VTI1A: variants seen among roughly 807,000 people sequenced by gnomAD.
The protein encoded by VTI1A is vesicle transport through interaction with t-SNAREs homolog 1A.
In VTI1A, 22 loss-of-function variants were observed where a neutral mutation model predicts 34.9. That is an observed-to-expected ratio of 0.63 (90% CI 0.45 to 0.90). The LOEUF (loss-of-function observed/expected upper bound fraction) is 0.90, where lower values mean the gene tolerates loss of function less well. Ranked by LOEUF, VTI1A falls within the 40% of genes least tolerant of loss-of-function variation. The pLI is 0.00. For synonymous variants in VTI1A, 87 were observed against 97.3 expected (o/e 0.89, Z 0.62); for missense variants, 268 against 275.6 (o/e 0.97, Z 0.20).
rs73365073 is a variant in VTI1A at position 112,555,318 on chromosome 10, C to G, written c.427+16988C>G. ...TCCATATGTCAATATCATGAAGAAG[C>G]CAAATGCTGGTAAAACATAATTTTT... On this transcript the variant is annotated intron_variant, in intron 5 of 7. Coordinates refer to ENST00000393077, the MANE Select transcript of VTI1A (RefSeq NM_145206.4). Among the ~76,000 whole-genome samples the G allele has an allele frequency of 4.0e-3, 610 of 152,066 alleles. 8 individuals carry two copies. Among genetic ancestry groups the G allele is most frequent in the African/African-American group, 0.014 (583 of 41,492 alleles).
At chr10:112,745,099 A>G (rs1251696129) in intron 7 of VTI1A, among the ~76,000 whole-genome samples, 1 of 152,228 alleles carries the variant, frequency 6.6e-6, no homozygotes, top group Non-Finnish European at 1.5e-5. Flanking sequence ...CACATATGTA[A>G]TACTTTTTTT....
intron 3 of VTI1A, among the ~76,000 whole-genome samples, chr10:112,471,019 C>A (rs1848057252): frequency 6.6e-6 from 1 of 152,096 alleles, no homozygotes; most frequent in African/African-American, 2.4e-5. Flanking sequence ...TTTGCATTTG[C>A]TGTTTACTTA....
intron 7 of VTI1A, among the ~76,000 whole-genome samples, chr10:112,697,865 CATGTGT>C (rs1384884054): frequency 6.0e-4 from 76 of 126,202 alleles, no homozygotes; most frequent in African/African-American, 9.9e-4. Flanking sequence ...TTAGCATTTA[CATGTGT>C]GTGTGTGTGT....
chr10:112,642,663 T>C (rs1482014422), intron 5 of VTI1A, among the ~76,000 whole-genome samples: 4 of 151,884 alleles, frequency 2.6e-5, no homozygotes, highest in Admixed American at 2.0e-4. Context: ...TTGTGAGGCA[T>C]TGTATGGAGG....
chr10:112,595,863 G>A (rs552161265), intron 5 of VTI1A, among the ~76,000 whole-genome samples: 5 of 152,098 alleles, frequency 3.3e-5, no homozygotes, highest in Admixed American at 1.3e-4. Context: ...ACATGCACCC[G>A]TATGTTTATT....
At chr10:112,813,759 T>A (rs1268789242) in intron 7 of VTI1A, among the ~76,000 whole-genome samples, 2 of 152,164 alleles carry the variant, frequency 1.3e-5, no homozygotes, top group Admixed American at 6.5e-5. Flanking sequence ...ACAGAAGAAT[T>A]AATGTCGGAG....
At chr10:112,630,663 ATAG>A (rs1287922652) in intron 5 of VTI1A, among the ~76,000 whole-genome samples, 1 of 152,216 alleles carries the variant, frequency 6.6e-6, no homozygotes, top group East Asian at 1.9e-4. Context: ...CACAAGACAG[ATAG>A]TAGCTTGTAG....
At chr10:112,793,312 T>C (rs1852554622) in intron 7 of VTI1A, among the ~76,000 whole-genome samples, 1 of 152,234 alleles carries the variant, frequency 6.6e-6, no homozygotes, top group Non-Finnish European at 1.5e-5. Context: ...GTCGATGTTA[T>C]GGGCTCTGGC....
At chr10:112,819,021 A>G (rs1853600905), downstream of VTI1A, among the ~76,000 whole-genome samples, 1 of 152,178 alleles carries the variant, frequency 6.6e-6, no homozygotes, top group South Asian at 2.1e-4. Flanking sequence ...ACACTTTAAT[A>G]TTTAATTAAG....
intron 7 of VTI1A, among the ~76,000 whole-genome samples, chr10:112,715,942 G>A (rs1447983678): frequency 1.3e-5 from 2 of 152,210 alleles, no homozygotes; most frequent in East Asian, 1.9e-4. Flanking sequence ...TATTGAGACT[G>A]GGAAGACACG....
At chr10:112,692,162 C>T (rs1344696929) in intron 7 of VTI1A, among the ~76,000 whole-genome samples, 2 of 152,294 alleles carry the variant, frequency 1.3e-5, no homozygotes, top group East Asian at 1.9e-4. Flanking sequence ...AACTCACCAC[C>T]CTAGAGTGTA....
intron 1 of VTI1A, among the ~76,000 whole-genome samples, chr10:112,451,864 G>A (rs1419983380): frequency 6.6e-6 from 1 of 152,178 alleles, no homozygotes; most frequent in Non-Finnish European, 1.5e-5. Flanking sequence ...ATATCTACGT[G>A]TAGCTATTGA....
At chr10:112,457,998 G>T (rs887726921) in intron 1 of VTI1A, among the ~76,000 whole-genome samples, 1 of 152,180 alleles carries the variant, frequency 6.6e-6, no homozygotes, top group African/African-American at 2.4e-5. Flanking sequence ...TCAGTGGAAT[G>T]GTGGGGGCAG....
chr10:112,627,829 G>A (rs1267803881), intron 5 of VTI1A, among the ~76,000 whole-genome samples: 2 of 152,078 alleles, frequency 1.3e-5, no homozygotes, highest in Non-Finnish European at 1.5e-5. Context: ...CAATAAAAAT[G>A]TGATATAAAA....
chr10:112,542,237 AAG>A (rs1359796235), intron 5 of VTI1A, among the ~76,000 whole-genome samples: 3 of 152,208 alleles, frequency 2.0e-5, no homozygotes, highest in African/African-American at 7.2e-5. Flanking sequence ...GCAGAAATGC[AAG>A]GCTCACTCTC....
chr10:112,817,739 C>G lies in VTI1A; in HGVS notation c.*2356C>G, dbSNP rs115323230. On this transcript the variant is annotated 3_prime_UTR_variant, in exon 8 of 8. Coordinates refer to ENST00000393077, the MANE Select transcript of VTI1A (RefSeq NM_145206.4). ...CCAGGAAAGGAATAACGTCCACAGA[C>G]TTGAAGCAGATAGTGAAGTAGATCT... is the stretch of plus-strand genomic sequence containing the variant. The G allele has an allele frequency of 4.7e-3, 1,071 of 229,998 alleles. 14 individuals are homozygous for G. Among genetic ancestry groups the G allele is most frequent in the African/African-American group, 0.023 (1,030 of 45,284 alleles). 14.2% of individuals were successfully genotyped at this position (229,998 alleles called of 1,614,324 possible).
rs116319004 is a variant in VTI1A at position 112,759,777 on chromosome 10, C to A, written c.561-55513C>A. On this transcript the variant is annotated intron_variant, in intron 7 of 7. Coordinates refer to ENST00000393077, the MANE Select transcript of VTI1A (RefSeq NM_145206.4). Reference sequence around the variant, plus strand: ...CTTCCCCAGCCCCCTTCCCACCCCACAAGTCTCCCATTGCCACTGATGGCT... The same window carrying A: ...CTTCCCCAGCCCCCTTCCCACCCCAAAAGTCTCCCATTGCCACTGATGGCT... Among the ~76,000 whole-genome samples the A allele has an allele frequency of 2.0e-3, 298 of 152,234 alleles. 1 individual carries two copies. Among genetic ancestry groups the A allele is most frequent in the African/African-American group, 7.0e-3 (289 of 41,550 alleles).
At chr10:112,597,624 A>G (rs1473521204) in intron 5 of VTI1A, among the ~76,000 whole-genome samples, 1 of 149,382 alleles carries the variant, frequency 6.7e-6, no homozygotes, top group African/African-American at 2.5e-5. Context: ...TTGAGGCTGC[A>G]GTGAGCTATG....
chr10:112,544,372 G>T (rs1850992174), intron 5 of VTI1A, among the ~76,000 whole-genome samples: 1 of 152,090 alleles, frequency 6.6e-6, no homozygotes, highest in African/African-American at 2.4e-5. Flanking sequence ...TGGGATTACA[G>T]GCATCCACCA....
Sources: gnomAD v4.1 joint callset for allele counts (sites outside exome capture counted in the v4.1 genomes callset) on GRCh38, gnomAD v4.1.1 for gene constraint, MANE v1.5 for transcripts, NCBI Gene and HGNC (gene_info 2026-07-23, HGNC 2026-07-21) for gene names.